RBFOX1: variants seen among roughly 807,000 people sequenced by gnomAD.
RBFOX1 encodes the protein RNA binding fox-1 homolog 1.
RBFOX1 carries 8 observed loss-of-function variants against 57.7 expected under a neutral mutation model. The ratio of observed to expected loss-of-function variants is 0.14; its 90% CI spans 0.08 to 0.25. RBFOX1 has a LOEUF of 0.25. Ranked by LOEUF, RBFOX1 falls within the 10% of genes least tolerant of loss-of-function variation. The pLI is 1.00. For missense variants in RBFOX1, 611 were observed against 548.5 expected (o/e 1.11, Z -1.14); for synonymous variants, 326 against 222.4 (o/e 1.47, Z -4.15).
intron 2 of RBFOX1, among the ~76,000 whole-genome samples, chr16:5,597,867 C>G (rs2047238775): frequency 6.6e-6 from 1 of 152,230 alleles, no homozygotes; most frequent in African/African-American, 2.4e-5. Context: ...TGAGGCTCCA[C>G]TGCAACCCTG....
intron 4 of RBFOX1, among the ~76,000 whole-genome samples, chr16:7,418,580 TG>T (rs1222399944): frequency 6.6e-6 from 1 of 152,216 alleles, no homozygotes; most frequent in African/African-American, 2.4e-5. Flanking sequence ...ACATTGGGTA[TG>T]AAAGACCCAA....
chr16:7,021,870 C>CTTCT lies in RBFOX1; in HGVS notation c.-15-30182_-15-30179dup, dbSNP rs1296461951. Among the ~76,000 whole-genome samples the CTTCT allele has an allele frequency of 2.2e-3, 328 of 151,222 alleles. 1 individual carries two copies. The highest frequency in any genetic ancestry group is 7.6e-3 in the African/African-American group (313 of 41,346). ...TATCTTCATTCTAAATTGCCAGAAC[C>CTTCT]TTCTTTCTCTCTCTTTCTTTCTTTC... is the stretch of plus-strand genomic sequence containing the variant. On this transcript the variant is annotated intron_variant, in intron 3 of 15. Transcript: ENST00000550418.
chr16:7,338,612 C>G (rs1224404810), intron 4 of RBFOX1, among the ~76,000 whole-genome samples: 2 of 152,244 alleles, frequency 1.3e-5, no homozygotes, highest in African/African-American at 2.4e-5. Flanking sequence ...AGCCTGGTCT[C>G]AAACTCCTGG....
chr16:6,882,146 T>C (rs1244389560), intron 3 of RBFOX1, among the ~76,000 whole-genome samples: 1 of 152,094 alleles, frequency 6.6e-6, no homozygotes, highest in African/African-American at 2.4e-5. Flanking sequence ...CTGATGGTCT[T>C]AGATGCCTCA....
intron 11 of RBFOX1, among the ~76,000 whole-genome samples, chr16:7,631,606 A>G (rs1214183354): frequency 6.6e-6 from 1 of 152,170 alleles, no homozygotes; most frequent in African/African-American, 2.4e-5. Context: ...CTTTAGGGTC[A>G]GTGCTTAAAA....
At chr16:7,499,493 A>T (rs938917097) in intron 4 of RBFOX1, among the ~76,000 whole-genome samples, 1 of 152,224 alleles carries the variant, frequency 6.6e-6, no homozygotes, top group African/African-American at 2.4e-5. Flanking sequence ...AATTCAACCA[A>T]TAACAGTATG....
At chr16:6,897,775 C>G (rs911963571) in intron 3 of RBFOX1, among the ~76,000 whole-genome samples, 2 of 152,290 alleles carry the variant, frequency 1.3e-5, no homozygotes, top group South Asian at 4.1e-4. Flanking sequence ...CCTTGGATGA[C>G]AGAGCGAGAT....
chr16:7,252,710 TA>T (rs1183072139), intron 4 of RBFOX1, among the ~76,000 whole-genome samples: 1 of 151,870 alleles, frequency 6.6e-6, no homozygotes, highest in East Asian at 1.9e-4. Flanking sequence ...TTTTTTTTTT[TA>T]AATTTGAGTC....
intron 4 of RBFOX1, chr16:7,126,573 A>C (rs2068612145): frequency 5.0e-6 from 1 of 200,630 alleles, no homozygotes; most frequent in African/African-American, 2.3e-5. Context: ...CAGTTCGTGC[A>C]GCAAATAGGC....
At chr16:5,991,591 A>G (rs2060398274) in intron 4 of RBFOX1, among the ~76,000 whole-genome samples, 2 of 152,026 alleles carry the variant, frequency 1.3e-5, no homozygotes, top group Admixed American at 1.3e-4. Flanking sequence ...GCAATTGCAC[A>G]AGGAGAAACT....
chr16:7,355,840 A>C (rs1416984798), intron 4 of RBFOX1, among the ~76,000 whole-genome samples: 1 of 152,018 alleles, frequency 6.6e-6, no homozygotes, highest in African/African-American at 2.4e-5. Flanking sequence ...TTTCCTTTCA[A>C]CCTTCAGGGT....
intron 3 of RBFOX1, among the ~76,000 whole-genome samples, chr16:5,806,356 G>A (rs957265093): frequency 6.6e-6 from 1 of 152,166 alleles, no homozygotes; most frequent in African/African-American, 2.4e-5. Flanking sequence ...CCCACATGGT[G>A]GATGGGGCCA....
chr16:7,012,139 C>G (rs950757468), intron 3 of RBFOX1, among the ~76,000 whole-genome samples: 7 of 152,186 alleles, frequency 4.6e-5, no homozygotes, highest in African/African-American at 1.7e-4. Flanking sequence ...CTAGAATAAT[C>G]ATAGGATGAG....
chr16:6,178,564 T>C (rs1346261799), intron 1 of RBFOX1, among the ~76,000 whole-genome samples: 1 of 152,168 alleles, frequency 6.6e-6, no homozygotes, highest in African/African-American at 2.4e-5. Flanking sequence ...GATGGCTTAC[T>C]ATGAAGGAGA....
chr16:5,684,475 C>T (rs2050442028), intron 3 of RBFOX1, among the ~76,000 whole-genome samples: 1 of 151,948 alleles, frequency 6.6e-6, no homozygotes, highest in African/African-American at 2.4e-5. Flanking sequence ...TGTAGAGCCA[C>T]TGACTGTTCC....
chr16:6,967,656 A>C (rs1209396946), intron 3 of RBFOX1, among the ~76,000 whole-genome samples: 1 of 151,970 alleles, frequency 6.6e-6, no homozygotes, highest in Non-Finnish European at 1.5e-5. Context: ...GTGTTCAGTA[A>C]TTATATTGCT....
intron 2 of RBFOX1, among the ~76,000 whole-genome samples, chr16:6,517,271 A>G (rs2096399074): frequency 6.6e-6 from 1 of 152,158 alleles, no homozygotes; most frequent in Admixed American, 6.5e-5. Flanking sequence ...AATTCTGCAT[A>G]TTCAGTTTGC....
intron 4 of RBFOX1, among the ~76,000 whole-genome samples, chr16:5,964,726 A>C (rs1023897623): frequency 1.3e-5 from 2 of 152,022 alleles, no homozygotes; most frequent in Admixed American, 6.6e-5. Flanking sequence ...TTATATATAC[A>C]CACAATGACT....
intron 2 of RBFOX1, among the ~76,000 whole-genome samples, chr16:5,471,789 T>G (rs563902967): frequency 6.6e-6 from 1 of 152,344 alleles, no homozygotes; most frequent in South Asian, 2.1e-4. Flanking sequence ...CAGCGGTATA[T>G]TTCTAGAGTC....
Sources: gnomAD v4.1 joint callset for allele counts (sites outside exome capture counted in the v4.1 genomes callset) on GRCh38, gnomAD v4.1.1 for gene constraint, MANE v1.5 for transcripts, NCBI Gene and HGNC (gene_info 2026-07-23, HGNC 2026-07-21) for gene names.